The following SLCO5A1 variants were observed in gnomAD, a reference collection of about 807,000 sequenced individuals.
SLCO5A1 encodes solute carrier organic anion transporter family member 5A1.
Under a neutral mutation model 65.1 loss-of-function variants are expected in SLCO5A1, and 39 were observed. The observed-to-expected ratio is 0.60, with a 90% confidence interval of 0.46 to 0.78. SLCO5A1 has a LOEUF of 0.78. Among genes scored for constraint, SLCO5A1 ranks in the 30% least tolerant of loss-of-function variants. SLCO5A1 has a pLI of 0.00. For synonymous variants in SLCO5A1, 438 were observed against 415.7 expected (o/e 1.05, Z -0.65); for missense variants, 1,029 against 1,069.4 (o/e 0.96, Z 0.53).
intron 5 of SLCO5A1, among the ~76,000 whole-genome samples, chr8:69,736,107 C>A (rs999871468): frequency 1.3e-5 from 2 of 152,214 alleles, no homozygotes; most frequent in Non-Finnish European, 2.9e-5. Context: ...ATGGAAGTCG[C>A]ATTTTTGAGA....
Position 69,723,607 on chromosome 8 carries a change from A to G in SLCO5A1, c.1423+14433T>C, listed in dbSNP as rs538387944. Among the ~76,000 whole-genome samples the G allele has an allele frequency of 3.3e-5, 5 of 151,538 alleles. No individual in the cohort carries two copies. In the South Asian group the frequency reaches 1.1e-3, roughly 32 times the overall value. On this transcript the variant is annotated intron_variant, in intron 5 of 9. Transcript: ENST00000260126. ...ACTTATCCTTTATATCCCTCAAAAGAAAAAAAATTTGAGGTGAGAGGAAAA... is the reference window on the plus strand; with the variant it reads ...ACTTATCCTTTATATCCCTCAAAAGGAAAAAAATTTGAGGTGAGAGGAAAA...
rs757181515 is a variant in SLCO5A1 at position 69,761,737 on chromosome 8, A to G, written c.1040+6T>C. ...TGAAATTTAAAAATTAGAAAACAGA[A>G]CTTACCAGTTTCCAATGAAACGAGG... On this transcript the variant is annotated splice_donor_region_variant and intron_variant, in intron 3 of 9. Transcript: ENST00000260126. The G allele has an allele frequency of 6.2e-7, 1 of 1,612,566 alleles. No homozygotes were observed. Among genetic ancestry groups the G allele is most frequent in the Non-Finnish European group, 8.5e-7 (1 of 1,179,710 alleles).
intron 5 of SLCO5A1, among the ~76,000 whole-genome samples, chr8:69,707,825 G>A (rs1815043329): frequency 6.6e-6 from 1 of 152,096 alleles, no homozygotes. Flanking sequence ...GATGAAGGAA[G>A]AAATCTGGAA....
intron 3 of SLCO5A1, among the ~76,000 whole-genome samples, chr8:69,756,151 C>T (rs758471925): frequency 1.2e-4 from 19 of 152,084 alleles, no homozygotes; most frequent in Non-Finnish European, 1.8e-4. Flanking sequence ...CAGCTGGGCG[C>T]GGTGACTCAC....
At chr8:69,684,851 T>G (rs1813939690) in intron 6 of SLCO5A1, among the ~76,000 whole-genome samples, 1 of 152,194 alleles carries the variant, frequency 6.6e-6, no homozygotes, top group Admixed American at 6.5e-5. Flanking sequence ...ATCACTACAA[T>G]GCACAGGAAG....
chr8:69,747,055 A>G (rs1319750525), intron 4 of SLCO5A1, among the ~76,000 whole-genome samples: 2 of 152,096 alleles, frequency 1.3e-5, no homozygotes, highest in African/African-American at 4.8e-5. Flanking sequence ...AGCCAATCCT[A>G]AGCTCTTTCC....
At chr8:69,716,540 G>A (rs2130822213) in intron 5 of SLCO5A1, among the ~76,000 whole-genome samples, 1 of 152,310 alleles carries the variant, frequency 6.6e-6, no homozygotes, top group South Asian at 2.1e-4. Context: ...GTACCTCATT[G>A]TGGTTTTGAT....
intron 2 of SLCO5A1, among the ~76,000 whole-genome samples, chr8:69,780,076 A>G (rs988979262): frequency 5.3e-5 from 8 of 152,200 alleles, no homozygotes; most frequent in South Asian, 4.2e-4. Context: ...ATAATCAGAG[A>G]AATGCAATTT....
At chr8:69,742,373 A>C (rs1816821610) in intron 4 of SLCO5A1, among the ~76,000 whole-genome samples, 1 of 152,158 alleles carries the variant, frequency 6.6e-6, no homozygotes, top group African/African-American at 2.4e-5. Context: ...GATGCAGTAA[A>C]AAGCATGATG....
At chr8:69,700,827 T>G (rs533452816) in intron 6 of SLCO5A1, among the ~76,000 whole-genome samples, 1 of 151,354 alleles carries the variant, frequency 6.6e-6, no homozygotes, top group East Asian at 1.9e-4. Context: ...TGTATATATT[T>G]ATATATAATA....
chr8:69,724,753 G>T (rs1295535781), intron 5 of SLCO5A1, among the ~76,000 whole-genome samples: 1 of 152,160 alleles, frequency 6.6e-6, no homozygotes, highest in Non-Finnish European at 1.5e-5. Flanking sequence ...ATATTCATTA[G>T]CTCAGGATGT....
At chr8:69,732,436 GT>G (rs1404274535) in intron 5 of SLCO5A1, among the ~76,000 whole-genome samples, 2 of 152,176 alleles carry the variant, frequency 1.3e-5, no homozygotes, top group African/African-American at 4.8e-5. Context: ...GAAAACAGAC[GT>G]TGTGGACCAT....
chr8:69,794,860 G>T (rs138901537), intron 2 of SLCO5A1: 1 of 155,136 alleles, frequency 6.4e-6, no homozygotes, highest in East Asian at 1.9e-4. Flanking sequence ...TAGGCCTCAA[G>T]AAACTTACCA....
rs768885466 is a variant in SLCO5A1 at position 69,679,508 on chromosome 8, C to T, written c.1894G>A (p.Glu632Lys). ...TTCCCAGACACAGCATAGCCGTTCT[C>T]ATTGAGATAAGTCTTGACAATAACC... is the stretch of plus-strand genomic sequence containing the variant. ...RVVIVKTYLN[E>K]NGYAVSGKCK... Residue 632 changes from glutamate (E) to lysine (K), a missense_variant, in exon 8 of 10, where the codon GAG becomes AAG. Physicochemically the swap from Glu to Lys is moderately conservative, Grantham distance 56. Coordinates refer to ENST00000260126, the MANE Select transcript of SLCO5A1 (RefSeq NM_030958.3). 3.5e-5 allele frequency: 57 copies of T among 1,614,086 alleles called. No homozygotes were observed. Among genetic ancestry groups the T allele is most frequent in the Non-Finnish European group, 4.8e-5 (57 of 1,180,044 alleles).
rs76699311 is a variant in SLCO5A1 at position 69,822,722 on chromosome 8, T to C, written c.907+9045A>G. On this transcript the variant is annotated intron_variant, in intron 2 of 9. Transcript: ENST00000260126. Reference sequence around the variant, plus strand: ...ATGGAATCCCACCTGGTCTTCAAAATGTTACAGCAAGAGAAACAAATGTAG... The same window carrying C: ...ATGGAATCCCACCTGGTCTTCAAAACGTTACAGCAAGAGAAACAAATGTAG... 7.8e-3 allele frequency among the ~76,000 whole-genome samples: 1,192 copies of C among 152,334 alleles called. 5 individuals carry two copies. The highest frequency in any genetic ancestry group is 0.014 in the Non-Finnish European group (965 of 68,032).
At chr8:69,777,438 A>T (rs1323229820) in intron 2 of SLCO5A1, among the ~76,000 whole-genome samples, 3 of 135,508 alleles carry the variant, frequency 2.2e-5, no homozygotes, top group Non-Finnish European at 4.5e-5. Context: ...GCCCAAAACC[A>T]CTCTTGGCAA....
In SLCO5A1 at chr8:69,672,433, T is replaced by G; in HGVS notation, c.*436A>C. 1 of 174,514 alleles carries G rather than the reference T, an allele frequency of 5.7e-6. No individual in the cohort carries two copies. The highest frequency in any genetic ancestry group is 1.5e-4 in the East Asian group (1 of 6,876). 10.8% of individuals were successfully genotyped at this position (174,514 alleles called of 1,614,324 possible). A position where few individuals can be genotyped will look rare whatever the true frequency, so the allele number is the denominator to read the frequency against. ...AAATTGCATAGTTGAGACAAATTCA[T>G]TTGTGCTTTGTAGCAGAACTCACAG... On this transcript the variant is annotated 3_prime_UTR_variant, in exon 10 of 10. Transcript: ENST00000260126.
In SLCO5A1 at chr8:69,673,281, G is replaced by A. The variant is rs546509292; in HGVS notation, c.2135C>T (p.Thr712Ile). ...ACATTCCTGTTGCCAGAGCATGCAG[G>A]TGGTGTCAATGACTGCTCCAAAGTA... ...PIYFGAVIDT[T>I]CMLWQQECGV... The change falls in exon 10 of 10, where the codon ACC becomes ATC. Residue 712 changes from threonine to isoleucine, a missense_variant. Physicochemically the swap from Thr to Ile is moderately conservative, Grantham distance 89. This residue lies in a region of SLCO5A1 where 258 missense variants were observed against 237.4 expected (regional missense o/e 1.09). Coordinates refer to ENST00000260126, the MANE Select transcript of SLCO5A1 (RefSeq NM_030958.3). 2 of 1,614,254 alleles carry A rather than the reference G, an allele frequency of 1.2e-6. No homozygotes were observed. The highest frequency in any genetic ancestry group is 1.3e-5 in the African/African-American group (1 of 75,070).
intron 5 of SLCO5A1, among the ~76,000 whole-genome samples, chr8:69,709,372 G>A (rs1815121589): frequency 6.6e-6 from 1 of 152,188 alleles, no homozygotes; most frequent in Admixed American, 6.5e-5. Flanking sequence ...AGAATTAATA[G>A]CACAGATAAT....
Sources: gnomAD v4.1 joint callset for allele counts (sites outside exome capture counted in the v4.1 genomes callset) on GRCh38, gnomAD v4.1.1 for gene constraint, gnomAD v4.1.1 regional missense constraint, MANE v1.5 for transcripts, NCBI Gene and HGNC (gene_info 2026-07-23, HGNC 2026-07-21) for gene names.